CLOCK: variants seen among roughly 807,000 people sequenced by gnomAD.
The protein encoded by CLOCK is circadian locomoter output cycles protein kaput.
CLOCK carries 43 observed loss-of-function variants against 118.4 expected under a neutral mutation model. That is an observed-to-expected ratio of 0.36 (90% CI 0.28 to 0.47). The LOEUF (loss-of-function observed/expected upper bound fraction) is 0.47. CLOCK is among the 20% of genes least tolerant of loss of function. CLOCK has a pLI of 1.00. For synonymous variants in CLOCK, 326 were observed against 339.2 expected (o/e 0.96, Z 0.43); for missense variants, 846 against 999.9 (o/e 0.85, Z 2.08).
chr4:55,488,525 C>T (rs1019962574), intron 3 of CLOCK, among the ~76,000 whole-genome samples: 1 of 152,192 alleles, frequency 6.6e-6, no homozygotes, highest in African/African-American at 2.4e-5. Flanking sequence ...ATATTCTCCC[C>T]ATCATTTACT....
chr4:55,475,495 G>A (rs1254987480), intron 7 of CLOCK, among the ~76,000 whole-genome samples: 1 of 152,210 alleles, frequency 6.6e-6, no homozygotes, highest in Non-Finnish European at 1.5e-5. Context: ...TCTACTCTGG[G>A]TAAAATGCTA....
At chr4:55,511,231 ATT>A (rs147653347) in intron 1 of CLOCK, among the ~76,000 whole-genome samples, 5,116 of 152,218 alleles carry the variant, frequency 0.034, 102 homozygotes, top group Non-Finnish European at 0.054. Flanking sequence ...CTTGACATAT[ATT>A]TATTCAATCC....
At chr4:55,486,272 CCTGT>C in intron 3 of CLOCK, 1 of 152,098 alleles carries the variant, frequency 6.6e-6, no homozygotes, top group Admixed American at 6.5e-5. Context: ...CAAATTCTTC[CCTGT>C]CTGTATCTAC....
chr4:55,494,756 A>T (rs1337688794), intron 2 of CLOCK, among the ~76,000 whole-genome samples: 1 of 151,618 alleles, frequency 6.6e-6, no homozygotes, highest in Non-Finnish European at 1.5e-5. Flanking sequence ...CTGGCTTTGA[A>T]AGTGAAAGAA....
At position 55,453,580 on chromosome 4, in the gene CLOCK, CT is replaced by C. The variant is rs1724662693; in HGVS notation, c.1130+96del. The C allele has an allele frequency of 5.1e-6, 5 of 987,326 alleles. No homozygotes were observed. The South Asian group carries it at 7.5e-5, about 15-fold the overall frequency. 61.2% of individuals were successfully genotyped at this position (987,326 alleles called of 1,614,324 possible). ...TCTATCAGCAATTGAGAAAAGAGCACTTTGTAGCTCTTTAACAACTTACGCA... is the reference window on the plus strand; with the variant it reads ...TCTATCAGCAATTGAGAAAAGAGCACTTGTAGCTCTTTAACAACTTACGCA... On this transcript the variant is annotated intron_variant, in intron 14 of 22. Transcript: ENST00000513440.
intron 1 of CLOCK, among the ~76,000 whole-genome samples, chr4:55,519,018 C>T (rs544533328): frequency 6.6e-6 from 1 of 152,268 alleles, no homozygotes; most frequent in African/African-American, 2.4e-5. Flanking sequence ...TCCTTGGTTT[C>T]TCCAGATGCT....
intron 20 of CLOCK, 148 bp from the exon 21 acceptor site, chr4:55,442,782 G>A: frequency 1.3e-6 from 1 of 744,140 alleles, no homozygotes; most frequent in Non-Finnish European, 2.3e-6. Context: ...TAACCACAAA[G>A]GAATGACTCG....
At chr4:55,477,925 C>T (rs991632341) in intron 6 of CLOCK, among the ~76,000 whole-genome samples, 2 of 151,816 alleles carry the variant, frequency 1.3e-5, no homozygotes, top group East Asian at 1.9e-4. Flanking sequence ...GAAGAAGATG[C>T]GGTATAAGAA....
intron 3 of CLOCK, among the ~76,000 whole-genome samples, chr4:55,485,842 A>G (rs2109927057): frequency 6.6e-6 from 1 of 152,296 alleles, no homozygotes; most frequent in Admixed American, 6.5e-5. Flanking sequence ...CTTTATCAAA[A>G]CATCTCATGT....
chr4:55,486,445 C>T (rs1270083220), intron 3 of CLOCK: 1 of 152,140 alleles, frequency 6.6e-6, no homozygotes, highest in Non-Finnish European at 1.5e-5. Context: ...CCTGGTGATT[C>T]CCTGGGTCTC....
At chr4:55,458,824 A>AG in intron 11 of CLOCK, 68 bp downstream of exon 11, 1 of 1,047,570 alleles carries the variant, frequency 9.5e-7, no homozygotes, top group South Asian at 1.3e-5. Flanking sequence ...CAATGTCTGC[A>AG]GGAAGTTTCA....
At chr4:55,522,685 T>C (rs1560476042) in intron 1 of CLOCK, among the ~76,000 whole-genome samples, 1 of 152,194 alleles carries the variant, frequency 6.6e-6, no homozygotes, top group Non-Finnish European at 1.5e-5. Flanking sequence ...TTGCCACATC[T>C]ATACTCTTTC....
chr4:55,452,974 A>T, intron 15 of CLOCK, 80 bp downstream of exon 15: 1 of 970,030 alleles, frequency 1.0e-6, no homozygotes, highest in Non-Finnish European at 1.6e-6. Context: ...TTTGAAAAAT[A>T]GTTTTCCTAT....
chr4:55,546,647 G>A (rs969615961), intron 1 of CLOCK, 135 bp downstream of exon 1: 2 of 66,254 alleles, frequency 3.0e-5, no homozygotes, highest in African/African-American at 1.3e-4. Flanking sequence ...CCAAAAATTC[G>A]CCGCTCCTGT....
intron 18 of CLOCK, among the ~76,000 whole-genome samples, chr4:55,448,465 A>G (rs535608095): frequency 6.6e-6 from 1 of 152,288 alleles, no homozygotes; most frequent in Non-Finnish European, 1.5e-5. Context: ...GTATTCCTGG[A>G]CCATGCTCAC....
intron 2 of CLOCK, among the ~76,000 whole-genome samples, chr4:55,491,233 C>CT (rs1201883514): frequency 1.4e-4 from 5 of 36,324 alleles, no homozygotes; most frequent in Non-Finnish European, 2.2e-4. Context: ...TGCAGGTGTG[C>CT]TAAAAAAAAA....
intron 22 of CLOCK, among the ~76,000 whole-genome samples, chr4:55,436,898 T>C (rs1226070265): frequency 6.7e-6 from 1 of 149,430 alleles, no homozygotes; most frequent in East Asian, 1.9e-4. Context: ...ATGCCTTTTT[T>C]TTTTTTTTTT....
chr4:55,442,714 A>C lies in CLOCK; in HGVS notation c.1903-80T>G, dbSNP rs976043000. ...AAGTATGCTAGAATTCATCATTCTAACAATATGACAATATGACAGAGAAAG... is the reference window on the plus strand; with the variant it reads ...AAGTATGCTAGAATTCATCATTCTACCAATATGACAATATGACAGAGAAAG... On this transcript the variant is annotated intron_variant, in intron 20 of 22. Coordinates refer to ENST00000513440, the MANE Select transcript of CLOCK (RefSeq NM_004898.4). 54 of 1,118,012 alleles carry C rather than the reference A, an allele frequency of 4.8e-5. No individual in the cohort carries two copies. The South Asian group carries it at 7.0e-4, about 15-fold the overall frequency. 69.3% of individuals were successfully genotyped at this position (1,118,012 alleles called of 1,614,324 possible). A position where few individuals can be genotyped will look rare whatever the true frequency, so the allele number is the denominator to read the frequency against.
chr4:55,448,886 A>G lies in CLOCK; in HGVS notation c.1450-18T>C, dbSNP rs771057001. On this transcript the variant is annotated intron_variant, in intron 17 of 22. Transcript: ENST00000513440. ...TTTATGGACTAGAGCAAAATAAAAA[A>G]TAACACTGAAGTGATTCTCATTCCC... 1.9e-6 allele frequency: 3 copies of G among 1,571,704 alleles called. No homozygotes were observed. The highest frequency in any genetic ancestry group is 2.6e-6 in the Non-Finnish European group (3 of 1,141,696).
Sources: gnomAD v4.1 joint callset for allele counts (sites outside exome capture counted in the v4.1 genomes callset) on GRCh38, gnomAD v4.1.1 for gene constraint, MANE v1.5 for transcripts, NCBI Gene and HGNC (gene_info 2026-07-23, HGNC 2026-07-21) for gene names.